SCLT1: variants seen among roughly 807,000 people sequenced by gnomAD.
The protein encoded by SCLT1 is sodium channel-associated protein 1.
SCLT1 carries 78 observed loss-of-function variants against 112.8 expected under a neutral mutation model. That is an observed-to-expected ratio of 0.69 (90% CI 0.58 to 0.83). The LOEUF is 0.83. SCLT1 is among the 40% of genes least tolerant of loss of function. The pLI is 0.00. For synonymous variants in SCLT1, 257 were observed against 254.7 expected (o/e 1.01, Z -0.09); for missense variants, 747 against 770.4 (o/e 0.97, Z 0.36).
intron 10 of SCLT1, among the ~76,000 whole-genome samples, chr4:128,966,065 C>T (rs1262345714): frequency 4.6e-5 from 7 of 151,008 alleles, no homozygotes; most frequent in South Asian, 2.1e-4. Context: ...CTCCTGACCT[C>T]GTGATCCACC....
Position 128,884,141 on chromosome 4 carries a change from CTCTT to C in SCLT1, c.*332_*335del, listed in dbSNP as rs1415086662. The C allele has an allele frequency of 7.1e-5, 13 of 184,248 alleles. No individual in the cohort carries two copies. In the East Asian group the frequency reaches 1.3e-3, roughly 19 times the overall value. 11.4% of individuals were successfully genotyped at this position (184,248 alleles called of 1,614,324 possible). On this transcript the variant is annotated 3_prime_UTR_variant, in exon 21 of 21. Transcript: ENST00000281142. ...TTAAATTCTAGAATTTTCTTAAAAA[CTCTT>C]TCTTATGAAAGAGAAATTTGCATAG...
At chr4:128,947,679 A>G (rs1039800756) in intron 15 of SCLT1, among the ~76,000 whole-genome samples, 1 of 152,196 alleles carries the variant, frequency 6.6e-6, no homozygotes, top group Non-Finnish European at 1.5e-5. Context: ...GGTACTTTAC[A>G]AGAGCAGGAT....
At chr4:128,883,194 C>A (rs1732686055), downstream of SCLT1, among the ~76,000 whole-genome samples, 1 of 148,208 alleles carries the variant, frequency 6.7e-6, no homozygotes, top group African/African-American at 2.5e-5. Flanking sequence ...TGCAGAGAGA[C>A]CCTGTATTGG....
intron 4 of SCLT1, among the ~76,000 whole-genome samples, chr4:128,875,706 G>A (rs1677219063): frequency 6.6e-6 from 1 of 152,178 alleles, no homozygotes; most frequent in Non-Finnish European, 1.5e-5. Flanking sequence ...TAGGCATTTA[G>A]TAAGTGGTAG....
At chr4:129,067,315 T>C (rs1750581943) in intron 2 of SCLT1, among the ~76,000 whole-genome samples, 1 of 151,964 alleles carries the variant, frequency 6.6e-6, no homozygotes, top group African/African-American at 2.4e-5. Flanking sequence ...GGATTAACTC[T>C]TGAAATGCAA....
intron 18 of SCLT1, among the ~76,000 whole-genome samples, chr4:128,934,741 A>G (rs1737047532): frequency 6.6e-6 from 1 of 151,864 alleles, no homozygotes; most frequent in South Asian, 2.1e-4. Context: ...TACATATTCA[A>G]CCATGTTGTC....
chr4:129,022,246 G>A (rs1745554442), intron 5 of SCLT1, among the ~76,000 whole-genome samples: 1 of 152,152 alleles, frequency 6.6e-6, no homozygotes, highest in Non-Finnish European at 1.5e-5. Flanking sequence ...TGCTCCAAAT[G>A]ATTGCAACTC....
chr4:129,093,064 G>C lies in SCLT1; in HGVS notation c.34+6C>G. 6.2e-7 allele frequency: 1 copy of C among 1,606,210 alleles called. No homozygotes were observed. Among genetic ancestry groups the C allele is most frequent in the Non-Finnish European group, 8.5e-7 (1 of 1,172,792 alleles). On this transcript the variant is annotated splice_donor_region_variant and intron_variant, in intron 1 of 20. Coordinates refer to ENST00000281142, the MANE Select transcript of SCLT1 (RefSeq NM_144643.4). ...ATATGAAGTCTCAAAAAAACATGGAGCTTACTTTGCTCTCTCAGAAAGTCG... is the reference window on the plus strand; with the variant it reads ...ATATGAAGTCTCAAAAAAACATGGACCTTACTTTGCTCTCTCAGAAAGTCG...
At chr4:128,876,335 T>G (rs1184159232) in intron 4 of SCLT1, among the ~76,000 whole-genome samples, 1 of 152,198 alleles carries the variant, frequency 6.6e-6, no homozygotes, top group African/African-American at 2.4e-5. Context: ...CAACTGATTC[T>G]TCCTACAAGG....
intron 7 of SCLT1, 28 bp from the exon 8 acceptor site, chr4:128,997,967 T>C (rs750311385): frequency 8.2e-7 from 1 of 1,214,824 alleles, no homozygotes; most frequent in African/African-American, 1.6e-5. Context: ...GGGGAGTATA[T>C]AAATAGCATT....
At chr4:128,940,960 C>T (rs1351799675) in intron 17 of SCLT1, among the ~76,000 whole-genome samples, 2 of 152,008 alleles carry the variant, frequency 1.3e-5, no homozygotes, top group African/African-American at 2.4e-5. Context: ...CTTAGAGATA[C>T]TTAGCAATTA....
intron 18 of SCLT1, among the ~76,000 whole-genome samples, chr4:128,916,739 T>G (rs562995050): frequency 6.6e-6 from 1 of 152,300 alleles, no homozygotes; most frequent in Admixed American, 6.5e-5. Flanking sequence ...TTTGGTCCAT[T>G]AGAGCAATGT....
chr4:129,035,828 GATAATA>G (rs976018195), intron 5 of SCLT1, among the ~76,000 whole-genome samples: 12 of 151,068 alleles, frequency 7.9e-5, no homozygotes, highest in Non-Finnish European at 1.2e-4. Context: ...AAGGGAGCAT[GATAATA>G]ATAATAATAT....
chr4:128,959,911 C>T, intron 11 of SCLT1, 134 bp from the exon 12 acceptor site: 1 of 665,982 alleles, frequency 1.5e-6, no homozygotes. Context: ...ATTTGATACT[C>T]ATTACCCTTC....
chr4:129,090,374 A>C (rs1215450654), intron 1 of SCLT1, among the ~76,000 whole-genome samples: 1 of 152,240 alleles, frequency 6.6e-6, no homozygotes, highest in Non-Finnish European at 1.5e-5. Flanking sequence ...TCAATGGAGA[A>C]AGGGTAGTTT....
intron 2 of SCLT1, among the ~76,000 whole-genome samples, chr4:129,062,028 G>A (rs960166351): frequency 1.9e-4 from 28 of 150,964 alleles, no homozygotes; most frequent in Admixed American, 1.6e-3. Context: ...GCATTAACTC[G>A]CAGCCACCCC....
At chr4:129,064,976 A>C (rs1038574722) in intron 2 of SCLT1, among the ~76,000 whole-genome samples, 1 of 152,140 alleles carries the variant, frequency 6.6e-6, no homozygotes, top group Non-Finnish European at 1.5e-5. Flanking sequence ...AGTGTTCTAC[A>C]TAAGTCATTT....
At chr4:128,888,902 T>G in intron 19 of SCLT1, 128 bp from the exon 20 acceptor site, 1 of 456,138 alleles carries the variant, frequency 2.2e-6, no homozygotes. Context: ...TATCTCCAAA[T>G]TTACATTTTT....
chr4:129,075,118 T>C (rs1045760087), intron 2 of SCLT1, among the ~76,000 whole-genome samples: 4 of 152,180 alleles, frequency 2.6e-5, no homozygotes, highest in Admixed American at 1.3e-4. Flanking sequence ...GATACTTTTC[T>C]TTCTCTAACA....
Sources: gnomAD v4.1 joint callset for allele counts (sites outside exome capture counted in the v4.1 genomes callset) on GRCh38, gnomAD v4.1.1 for gene constraint, MANE v1.5 for transcripts, NCBI Gene and HGNC (gene_info 2026-07-23, HGNC 2026-07-21) for gene names.